Variants in CHPT1 observed in about 807,000 individuals in gnomAD.
CHPT1 encodes choline phosphotransferase 1, also known as cholinephosphotransferase 1.
CHPT1 carries 36 observed loss-of-function variants against 47.6 expected under a neutral mutation model. The observed-to-expected ratio is 0.76, with a 90% CI of 0.58 to 1.00. The LOEUF is 1.00. CHPT1 is among the 50% of genes least tolerant of loss of function. The pLI is 0.00. For synonymous variants in CHPT1, 194 were observed against 186.3 expected, an observed-to-expected ratio of 1.04 and a Z score of -0.33; for missense variants, 458 against 498.1, an observed-to-expected ratio of 0.92 and a Z score of 0.77.
intron 4 of CHPT1, among the ~76,000 whole-genome samples, chr12:101,717,797 A>G (rs1453857086): frequency 1.3e-5 from 2 of 152,132 alleles, no homozygotes; most frequent in Non-Finnish European, 2.9e-5. Context: ...TGATTTGAAA[A>G]CTTATGTCCA....
At chr12:101,717,178 A>C (rs1951776526) in intron 4 of CHPT1, 1 of 409,042 alleles carries the variant, frequency 2.4e-6, no homozygotes, top group African/African-American at 2.1e-5. Flanking sequence ...TTTACATTTA[A>C]AACTTGTCAC....
At chr12:101,706,729 T>C (rs970480480) in intron 1 of CHPT1, among the ~76,000 whole-genome samples, 1 of 152,098 alleles carries the variant, frequency 6.6e-6, no homozygotes, top group Non-Finnish European at 1.5e-5. Flanking sequence ...ATTACACAAC[T>C]CTTATTTGAA....
chr12:101,724,494 A>C (rs1049154319), intron 7 of CHPT1, among the ~76,000 whole-genome samples: 3 of 152,222 alleles, frequency 2.0e-5, no homozygotes, highest in Non-Finnish European at 4.4e-5. Flanking sequence ...AAGTAACAGG[A>C]AAATTAGATG....
At chr12:101,725,538 T>C (rs1951929152) in intron 7 of CHPT1, among the ~76,000 whole-genome samples, 1 of 151,830 alleles carries the variant, frequency 6.6e-6, no homozygotes, top group African/African-American at 2.4e-5. Context: ...TCGTAACGAG[T>C]AATTGGCCTG....
At chr12:101,717,542 C>T (rs749650930) in intron 4 of CHPT1, 61 of 275,850 alleles carry the variant, frequency 2.2e-4, no homozygotes, top group Non-Finnish European at 3.9e-4. Flanking sequence ...GTTTTATCTG[C>T]CCCTCAGAAC....
chr12:101,725,092 A>T (rs2137030443), intron 7 of CHPT1, among the ~76,000 whole-genome samples: 1 of 152,284 alleles, frequency 6.6e-6, no homozygotes, highest in South Asian at 2.1e-4. Flanking sequence ...CGTATTTGTT[A>T]GAGTTGGATA....
At chr12:101,715,778 A>G (rs1005988265) in intron 3 of CHPT1, among the ~76,000 whole-genome samples, 3 of 152,306 alleles carry the variant, frequency 2.0e-5, no homozygotes, top group East Asian at 1.9e-4. Context: ...ATCATTTAAG[A>G]TATGAATGAA....
At position 101,723,204 on chromosome 12, in the gene CHPT1, C is replaced by G. The variant is rs1270561586; in HGVS notation, c.817C>G (p.Leu273Val). Residue 273 changes from leucine to valine, a missense_variant, in exon 6 of 9, where the codon CTA (leucine) becomes GTA (valine). Coordinates refer to ENST00000229266, the MANE Select transcript of CHPT1 (RefSeq NM_020244.3). ...CTTGTCACCTGGACTCCACATAGGA[C>G]TAATTATTATACTGGCAATAATGAT... ...SVLSPGLHIG[L>V]IIILAIMIYK... The G allele has an allele frequency of 6.2e-7, 1 of 1,612,640 alleles. No homozygotes were observed. The highest frequency in any genetic ancestry group is 8.5e-7 in the Non-Finnish European group (1 of 1,178,982).
intron 7 of CHPT1, among the ~76,000 whole-genome samples, chr12:101,724,807 C>G (rs1951915022): frequency 6.6e-6 from 1 of 152,114 alleles, no homozygotes; most frequent in African/African-American, 2.4e-5. Context: ...TTGAGAGAGA[C>G]ACGTTAGCCA....
At chr12:101,699,173 C>T (rs145925583) in intron 1 of CHPT1, among the ~76,000 whole-genome samples, 2,343 of 151,676 alleles carry the variant, frequency 0.015, 50 homozygotes, top group East Asian at 0.058. Flanking sequence ...CTGCAACCTC[C>T]GCCTTCAGGG....
chr12:101,699,141 G>C (rs578083283), intron 1 of CHPT1, among the ~76,000 whole-genome samples: 21 of 152,142 alleles, frequency 1.4e-4, no homozygotes, highest in African/African-American at 4.3e-4. Context: ...GGAGTGCCGT[G>C]CCGTGGCTCG....
intron 4 of CHPT1, among the ~76,000 whole-genome samples, chr12:101,719,156 G>GAAA (rs779382436): frequency 0.16 from 14,604 of 93,790 alleles, 1,536 homozygotes; most frequent in African/African-American, 0.29. Context: ...CTCGTCTCAA[G>GAAA]AAAAAAAAAA....
chr12:101,699,378 A>T (rs1308280750), intron 1 of CHPT1, among the ~76,000 whole-genome samples: 14 of 135,916 alleles, frequency 1.0e-4, no homozygotes, highest in African/African-American at 3.7e-4. Context: ...TATGCTTATT[A>T]TGTATTTCTT....
intron 7 of CHPT1, among the ~76,000 whole-genome samples, chr12:101,725,881 AC>A (rs1029044685): frequency 4.6e-5 from 7 of 152,136 alleles, no homozygotes; most frequent in African/African-American, 1.7e-4. Context: ...TCTTTTCTAG[AC>A]CTTTTACCTT....
At chr12:101,726,434 C>A (rs1231802855) in intron 8 of CHPT1, 30 bp downstream of exon 8, 6 of 1,603,248 alleles carry the variant, frequency 3.7e-6, no homozygotes, top group Admixed American at 1.7e-5. Context: ...GACTAATAGC[C>A]CAAGGAAAAG....
intron 5 of CHPT1, among the ~76,000 whole-genome samples, chr12:101,721,812 G>A (rs1344218873): frequency 6.6e-6 from 1 of 152,174 alleles, no homozygotes; most frequent in African/African-American, 2.4e-5. Flanking sequence ...TGTAATCCCA[G>A]CACTTTGGGA....
At chr12:101,726,200 G>GT (rs1218135856) in intron 7 of CHPT1, 94 bp from the exon 8 acceptor site, 29 of 817,064 alleles carry the variant, frequency 3.5e-5, no homozygotes, top group Non-Finnish European at 5.5e-5. Context: ...AGAATTTTAG[G>GT]TTAAGGTTTG....
At chr12:101,720,069 A>T in intron 4 of CHPT1, 54 bp from the exon 5 acceptor site, 1 of 1,350,462 alleles carries the variant, frequency 7.4e-7, no homozygotes, top group Non-Finnish European at 1.0e-6. Context: ...TTTATTATTT[A>T]ATAAAAAACC....
chr12:101,719,998 A>G (rs1951825753), intron 4 of CHPT1, 125 bp from the exon 5 acceptor site: 1 of 535,526 alleles, frequency 1.9e-6, no homozygotes, highest in Non-Finnish European at 3.0e-6. Flanking sequence ...ATATTCCAGA[A>G]GTTAAGGTTT....
Sources: gnomAD v4.1 joint callset for allele counts (sites outside exome capture counted in the v4.1 genomes callset) on GRCh38, gnomAD v4.1.1 for gene constraint, MANE v1.5 for transcripts, NCBI Gene and HGNC (gene_info 2026-07-23, HGNC 2026-07-21) for gene names.